The following PLCB1 variants were observed in gnomAD, a reference collection of about 807,000 sequenced individuals.
PLCB1 encodes phospholipase C beta 1.
PLCB1 carries 46 observed loss-of-function variants against 161.8 expected under a neutral mutation model. The ratio of observed to expected loss-of-function variants is 0.28; its 90% CI spans 0.22 to 0.36. The LOEUF (loss-of-function observed/expected upper bound fraction) is 0.36. Among genes scored for constraint, PLCB1 ranks in the 10% least tolerant of loss-of-function variants. PLCB1 has a pLI of 1.00. For synonymous variants in PLCB1, 517 were observed against 503.7 expected, an observed-to-expected ratio of 1.03 and a Z score of -0.35; for missense variants, 1,016 against 1,472.5, an observed-to-expected ratio of 0.69 and a Z score of 5.07.
intron 31 of PLCB1, among the ~76,000 whole-genome samples, chr20:8,829,394 G>A (rs1006888927): frequency 6.6e-6 from 1 of 152,166 alleles, no homozygotes; most frequent in Non-Finnish European, 1.5e-5. Context: ...TGACCAGTAG[G>A]GGATAATTCA....
At chr20:8,376,673 A>C (rs1233141449) in intron 3 of PLCB1, among the ~76,000 whole-genome samples, 2 of 152,224 alleles carry the variant, frequency 1.3e-5, no homozygotes, top group Non-Finnish European at 2.9e-5. Flanking sequence ...TCACGCCTGT[A>C]ATCCCAGCAC....
At chr20:8,711,096 C>CTGAG (rs1198255025) in intron 12 of PLCB1, among the ~76,000 whole-genome samples, 1 of 152,174 alleles carries the variant, frequency 6.6e-6, no homozygotes, top group Non-Finnish European at 1.5e-5. Flanking sequence ...GATGATGGAA[C>CTGAG]TGAGTCCTAA....
At chr20:8,701,764 A>C (rs556811136) in intron 11 of PLCB1, among the ~76,000 whole-genome samples, 1 of 152,282 alleles carries the variant, frequency 6.6e-6, no homozygotes, top group African/African-American at 2.4e-5. Flanking sequence ...TTCCCAGAGC[A>C]AGTAGATCAA....
At chr20:8,554,082 G>GAA (rs58969181) in intron 3 of PLCB1, among the ~76,000 whole-genome samples, 13,459 of 139,942 alleles carry the variant, frequency 0.096, 666 homozygotes, top group South Asian at 0.14. Flanking sequence ...TAAAATTAAG[G>GAA]AAAAAAAAAA....
At chr20:8,188,371 A>C (rs2051929518) in intron 2 of PLCB1, among the ~76,000 whole-genome samples, 1 of 152,184 alleles carries the variant, frequency 6.6e-6, no homozygotes, top group African/African-American at 2.4e-5. Context: ...AGGATGAAGT[A>C]CTGGGAACAA....
At chr20:8,400,613 A>G (rs1485177928) in intron 3 of PLCB1, among the ~76,000 whole-genome samples, 3 of 152,172 alleles carry the variant, frequency 2.0e-5, no homozygotes, top group African/African-American at 4.8e-5. Flanking sequence ...TTCGTTTCCC[A>G]GAAAACCTGT....
chr20:8,873,325 G>A (rs540318320), intron 31 of PLCB1, among the ~76,000 whole-genome samples: 1 of 152,252 alleles, frequency 6.6e-6, no homozygotes, highest in South Asian at 2.1e-4. Flanking sequence ...TTCATTCTAT[G>A]AATGTATGAT....
chr20:8,503,143 G>A (rs1239477244), intron 3 of PLCB1, among the ~76,000 whole-genome samples: 1 of 152,142 alleles, frequency 6.6e-6, no homozygotes, highest in African/African-American at 2.4e-5. Flanking sequence ...AGACACTTTG[G>A]AAAGTGAACC....
intron 2 of PLCB1, among the ~76,000 whole-genome samples, chr20:8,172,659 A>G (rs2051744716): frequency 6.6e-6 from 1 of 152,160 alleles, no homozygotes; most frequent in Admixed American, 6.5e-5. Context: ...AAAAAGGATC[A>G]CTGAGACTTC....
At chr20:8,373,798 T>C (rs1376385971) in intron 3 of PLCB1, among the ~76,000 whole-genome samples, 1 of 152,180 alleles carries the variant, frequency 6.6e-6, no homozygotes, top group Admixed American at 6.5e-5. Context: ...GCAAAAGGGA[T>C]CAGAGGAGGG....
At chr20:8,741,438 A>T (rs770679255) in intron 22 of PLCB1, 26 bp from the exon 23 acceptor site, 2 of 1,486,288 alleles carry the variant, frequency 1.3e-6, no homozygotes, top group Non-Finnish European at 1.9e-6. Context: ...AGGACCTTTG[A>T]TCTAAAATAT....
At chr20:8,868,083 A>G (rs1436000253) in intron 31 of PLCB1, among the ~76,000 whole-genome samples, 2 of 152,076 alleles carry the variant, frequency 1.3e-5, no homozygotes, top group Non-Finnish European at 2.9e-5. Context: ...ATTTTTCCTT[A>G]TTCCAGTTTT....
chr20:8,448,439 T>G (rs1403954980), intron 3 of PLCB1, among the ~76,000 whole-genome samples: 1 of 152,188 alleles, frequency 6.6e-6, no homozygotes, highest in African/African-American at 2.4e-5. Context: ...GATATACTTT[T>G]AACTAAATCT....
chr20:8,686,442 C>T (rs927506436), intron 10 of PLCB1, among the ~76,000 whole-genome samples: 7 of 152,128 alleles, frequency 4.6e-5, no homozygotes, highest in East Asian at 1.9e-4. Flanking sequence ...AGATTTTTTA[C>T]GAATAATCTT....
At chr20:8,832,666 A>T (rs530523968) in intron 31 of PLCB1, among the ~76,000 whole-genome samples, 1 of 152,348 alleles carries the variant, frequency 6.6e-6, no homozygotes, top group Non-Finnish European at 1.5e-5. Context: ...GAGAAGTGAG[A>T]GAAAAGAATC....
At chr20:8,485,976 T>C (rs1600101351) in intron 3 of PLCB1, among the ~76,000 whole-genome samples, 1 of 150,784 alleles carries the variant, frequency 6.6e-6, no homozygotes, top group Non-Finnish European at 1.5e-5. Flanking sequence ...TGGAGAGGCC[T>C]CAGGAAACTT....
At chr20:8,708,805 G>T in intron 12 of PLCB1, 53 bp downstream of exon 12, 2 of 1,025,040 alleles carry the variant, frequency 2.0e-6, no homozygotes, top group South Asian at 1.3e-5. Flanking sequence ...AGGGCATACT[G>T]AGTAATTGTT....
chr20:8,810,125 CT>C (rs2146250901), intron 31 of PLCB1, among the ~76,000 whole-genome samples: 1 of 152,304 alleles, frequency 6.6e-6, no homozygotes, highest in African/African-American at 2.4e-5. Flanking sequence ...AATGTTGCCC[CT>C]TCACACCATC....
intron 31 of PLCB1, among the ~76,000 whole-genome samples, chr20:8,867,129 A>G (rs1987456648): frequency 6.6e-6 from 1 of 152,194 alleles, no homozygotes; most frequent in Admixed American, 6.5e-5. Context: ...TGTTTTGTAA[A>G]TGCCATGCAC....
Sources: gnomAD v4.1 joint callset for allele counts (sites outside exome capture counted in the v4.1 genomes callset) on GRCh38, gnomAD v4.1.1 for gene constraint, MANE v1.5 for transcripts, NCBI Gene and HGNC (gene_info 2026-07-23, HGNC 2026-07-21) for gene names.